The following ATP6V1B2 variants were observed in gnomAD, a reference collection of about 807,000 sequenced individuals.
ATP6V1B2 encodes the protein V-type proton ATPase subunit B, brain isoform.
In ATP6V1B2, 23 loss-of-function variants were observed where a neutral mutation model predicts 66.7. The ratio of observed to expected loss-of-function variants is 0.34; its 90% CI spans 0.25 to 0.49. ATP6V1B2 has a LOEUF of 0.49. Among genes scored for constraint, ATP6V1B2 ranks in the 20% least tolerant of loss-of-function variants. The pLI, the probability that ATP6V1B2 is intolerant of heterozygous loss-of-function variation, is 0.99. For missense variants in ATP6V1B2, 478 were observed against 650.8 expected (o/e 0.73, Z 2.89); for synonymous variants, 278 against 236.7 (o/e 1.17, Z -1.60).
chr8:20,197,813 TC>T (rs1322329449), intron 1 of ATP6V1B2, among the ~76,000 whole-genome samples: 1 of 152,120 alleles, frequency 6.6e-6, no homozygotes, highest in Non-Finnish European at 1.5e-5. Flanking sequence ...CTCCCCAGCT[TC>T]CCTAGGCTGG....
chr8:20,207,287 A>C (rs2072748191), intron 2 of ATP6V1B2, among the ~76,000 whole-genome samples: 1 of 152,226 alleles, frequency 6.6e-6, no homozygotes. Flanking sequence ...CTCTTCACAC[A>C]TGAGAATTCG....
rs1303884018 is a variant in ATP6V1B2, at chr8:20,211,266, A to C, written c.553A>C (p.Arg185=). 9.3e-6 allele frequency: 15 copies of C among 1,613,220 alleles called. No individual in the cohort carries two copies. Among genetic ancestry groups the C allele is most frequent in the East Asian group, 2.2e-5 (1 of 44,860 alleles). ...SAIDGMNSIA[R]GQKIPIFSAA... ...CATCGATGGGATGAACAGTATTGCT[A>C]GGGGGCAGAAAATTCCTATCTTCTC... Residue 185 remains arginine, a synonymous_variant, in exon 6 of 14, where the codon AGG becomes CGG. Coordinates refer to ENST00000276390, the MANE Select transcript of ATP6V1B2 (RefSeq NM_001693.4).
rs567233700 is a variant in ATP6V1B2 at position 20,202,263 on chromosome 8, A to C, written c.137-2221A>C. ...TTGGGCTGTAGTAGAGTCAAAGAAT[A>C]AGTGGCTTTGGAGCTAGAGTGTACA... On this transcript the variant is annotated intron_variant, in intron 1 of 13. Coordinates refer to ENST00000276390, the MANE Select transcript of ATP6V1B2 (RefSeq NM_001693.4). Among the ~76,000 whole-genome samples, 4 of 152,340 alleles carry C rather than the reference A, an allele frequency of 2.6e-5. No individual in the cohort carries two copies. In the South Asian group the frequency reaches 8.3e-4, roughly 32 times the overall value.
At chr8:20,211,146 G>T in intron 5 of ATP6V1B2, 31 bp from the exon 6 acceptor site, 3 of 1,593,580 alleles carry the variant, frequency 1.9e-6, no homozygotes, top group Non-Finnish European at 2.6e-6. Flanking sequence ...GCGGCAACTT[G>T]TTGAAATTTT....
intron 1 of ATP6V1B2, 149 bp downstream of exon 1, chr8:20,197,691 AAGG>A: frequency 9.0e-7 from 1 of 1,108,506 alleles, no homozygotes; most frequent in Non-Finnish European, 1.2e-6. Context: ...GTCTCTTTAG[AAGG>A]AGATTTGCCT....
chr8:20,206,355 A>T lies in ATP6V1B2; in HGVS notation c.192+1816A>T, dbSNP rs143624547. On this transcript the variant is annotated intron_variant, in intron 2 of 13. Coordinates refer to ENST00000276390, the MANE Select transcript of ATP6V1B2 (RefSeq NM_001693.4). ...GCTTAGTCCCACAAGACTGCAGTCCACTTCAGATGCCAATCAAAAGTAGTG... is the reference window on the plus strand; with the variant it reads ...GCTTAGTCCCACAAGACTGCAGTCCTCTTCAGATGCCAATCAAAAGTAGTG... Among the ~76,000 whole-genome samples, 428 of 152,298 alleles carry T rather than the reference A, an allele frequency of 2.8e-3. 1 individual carries two copies. Among genetic ancestry groups the T allele is most frequent in the Non-Finnish European group, 3.9e-3 (264 of 68,022 alleles).
At chr8:20,198,195 A>G (rs1174987949) in intron 1 of ATP6V1B2, among the ~76,000 whole-genome samples, 1 of 152,222 alleles carries the variant, frequency 6.6e-6, no homozygotes, top group African/African-American at 2.4e-5. Flanking sequence ...AGGTTCTGGA[A>G]GGGGTAGGAT....
At chr8:20,216,975 T>C (rs1245869828) in intron 11 of ATP6V1B2, 4 of 416,300 alleles carry the variant, frequency 9.6e-6, no homozygotes, top group Non-Finnish European at 1.3e-5. Context: ...TTTTTTAAAA[T>C]AGTCTTGTAC....
chr8:20,213,065 G>C, intron 9 of ATP6V1B2, 160 bp downstream of exon 9: 1 of 959,400 alleles, frequency 1.0e-6, no homozygotes, highest in African/African-American at 1.7e-5. Flanking sequence ...CTTCGTTTTT[G>C]TCAACTTGGT....
intron 1 of ATP6V1B2, among the ~76,000 whole-genome samples, chr8:20,198,525 G>C (rs2072651642): frequency 6.6e-6 from 1 of 152,210 alleles, no homozygotes; most frequent in Non-Finnish European, 1.5e-5. Context: ...CTTCTTCACA[G>C]CTTTCTTCGG....
chr8:20,219,178 A>G (rs1276119809), intron 13 of ATP6V1B2, among the ~76,000 whole-genome samples: 1 of 152,194 alleles, frequency 6.6e-6, no homozygotes, highest in African/African-American at 2.4e-5. Context: ...CAGATGCAGC[A>G]GACCTTGGTG....
intron 10 of ATP6V1B2, 113 bp downstream of exon 10, chr8:20,215,081 T>G: frequency 8.6e-7 from 1 of 1,167,448 alleles, no homozygotes; most frequent in Non-Finnish European, 1.2e-6. Context: ...AGAGTTTATC[T>G]TGGTTATTTG....
intron 2 of ATP6V1B2, 99 bp from the exon 3 acceptor site, chr8:20,209,334 T>C (rs1042643668): frequency 1.7e-6 from 2 of 1,191,794 alleles, no homozygotes; most frequent in African/African-American, 1.5e-5. Flanking sequence ...GAGTAGAGGG[T>C]TCCATATTCA....
At chr8:20,199,510 T>A (rs745673161) in intron 1 of ATP6V1B2, among the ~76,000 whole-genome samples, 3 of 152,132 alleles carry the variant, frequency 2.0e-5, no homozygotes, top group Non-Finnish European at 2.9e-5. Flanking sequence ...ACTAACAGCA[T>A]TTGAATATCT....
chr8:20,213,403 C>T (rs141331985), intron 9 of ATP6V1B2: 3,354 of 165,024 alleles, frequency 0.02, 128 homozygotes, highest in African/African-American at 0.077. Flanking sequence ...AATCCCAGCA[C>T]TTTGGGAAGC....
Position 20,217,235 on chromosome 8 carries a change from A to G in ATP6V1B2, c.1177A>G (p.Asn393Asp). The G allele has an allele frequency of 6.2e-7, 1 of 1,612,764 alleles. No homozygotes were observed. The highest frequency in any genetic ancestry group is 8.5e-7 in the Non-Finnish European group (1 of 1,178,932). Residue 393 changes from asparagine (N) to aspartate (D), a missense_variant, in exon 12 of 14, where the codon AAT becomes GAT. By Grantham distance (23) the Asn-to-Asp change is conservative. Coordinates refer to ENST00000276390, the MANE Select transcript of ATP6V1B2 (RefSeq NM_001693.4). ...LHNRQIYPPI[N>D]VLPSLSRLMK... is the part of the protein sequence containing the mutation. Reference sequence around the variant, plus strand: ...TCTACCCAAGATTTATCCACCTATCAATGTGCTGCCCTCACTATCACGGTT... The same window carrying G: ...TCTACCCAAGATTTATCCACCTATCGATGTGCTGCCCTCACTATCACGGTT...
At chr8:20,198,356 G>C (rs1192091774) in intron 1 of ATP6V1B2, among the ~76,000 whole-genome samples, 2 of 152,222 alleles carry the variant, frequency 1.3e-5, no homozygotes, top group East Asian at 3.8e-4. Context: ...GGGGAAGCCA[G>C]GTGGCTTTGC....
rs1563817378 is a variant in ATP6V1B2 at position 20,217,333 on chromosome 8, AT to A, written c.1266+11del. On this transcript the variant is annotated intron_variant, in intron 12 of 13. Coordinates refer to ENST00000276390, the MANE Select transcript of ATP6V1B2 (RefSeq NM_001693.4). The stretch of plus-strand genomic sequence containing the variant: ...ATGTATCTAACCAGCTAGTATGTAC[AT>A]TCTTCTAAGAATGGTGTTTGAAAAT... The A allele has an allele frequency of 1.3e-6, 2 of 1,594,030 alleles. No homozygotes were observed. Among genetic ancestry groups the A allele is most frequent in the East Asian group, 4.5e-5 (2 of 44,774 alleles).
At chr8:20,203,786 C>T (rs1262919941) in intron 1 of ATP6V1B2, among the ~76,000 whole-genome samples, 1 of 152,146 alleles carries the variant, frequency 6.6e-6, no homozygotes, top group Non-Finnish European at 1.5e-5. Flanking sequence ...GCGCACTTTG[C>T]AGTGGAAAAC....
Sources: allele counts gnomAD v4.1 joint callset (sites outside exome capture counted in the v4.1 genomes callset), GRCh38; gene constraint gnomAD v4.1.1; transcripts MANE v1.5; gene names NCBI Gene and HGNC (gene_info 2026-07-23, HGNC 2026-07-21).